FRAS1: variants seen among roughly 807,000 people sequenced by gnomAD.
The protein encoded by FRAS1 is Fraser extracellular matrix complex subunit 1.
A neutral mutation model predicts 435.2 loss-of-function variants in FRAS1; 290 were observed. That is an observed-to-expected ratio of 0.67 (90% CI 0.61 to 0.73). The LOEUF is 0.73. FRAS1 is among the 30% of genes least tolerant of loss of function. FRAS1 has a pLI of 0.00. For missense variants in FRAS1, 4,860 were observed against 5,001.5 expected, an observed-to-expected ratio of 0.97 and a Z score of 0.85; for synonymous variants, 1,800 against 1,851.0, an observed-to-expected ratio of 0.97 and a Z score of 0.71.
chr4:78,455,784 G>T (rs1044924379), intron 47 of FRAS1, among the ~76,000 whole-genome samples: 7 of 152,106 alleles, frequency 4.6e-5, no homozygotes, highest in African/African-American at 1.7e-4. Context: ...GATTGAGCAG[G>T]CCACACCCTC....
At chr4:78,518,440 ATATATATATATATT>A (rs1356377906) in intron 66 of FRAS1, among the ~76,000 whole-genome samples, 12 of 121,616 alleles carry the variant, frequency 9.9e-5, no homozygotes, top group African/African-American at 4.0e-4. Flanking sequence ...ATATATATAT[ATATATATATATATT>A]TATTTATTTA....
At chr4:78,497,912 C>T (rs540751322) in intron 60 of FRAS1, among the ~76,000 whole-genome samples, 35 of 152,146 alleles carry the variant, frequency 2.3e-4, no homozygotes, top group Non-Finnish European at 4.7e-4. Flanking sequence ...CCAAAGTGAA[C>T]CTCTCCCAGG....
chr4:78,337,956 G>A, intron 20 of FRAS1, 139 bp downstream of exon 20: 1 of 758,730 alleles, frequency 1.3e-6, no homozygotes, highest in South Asian at 1.6e-5. Flanking sequence ...GGAAACTCAT[G>A]TTACTGCTTC....
chr4:78,394,685 G>T (rs1463897912), intron 29 of FRAS1, among the ~76,000 whole-genome samples: 2 of 151,944 alleles, frequency 1.3e-5, no homozygotes, highest in Non-Finnish European at 2.9e-5. Flanking sequence ...TTGGCTATTT[G>T]GGGATTTTTG....
intron 38 of FRAS1, among the ~76,000 whole-genome samples, chr4:78,432,826 G>A (rs1264292940): frequency 6.6e-6 from 1 of 152,242 alleles, no homozygotes; most frequent in Non-Finnish European, 1.5e-5. Flanking sequence ...AAAACACGAT[G>A]AGTATGTGTA....
chr4:78,183,646 T>C (rs1381837563), intron 2 of FRAS1, among the ~76,000 whole-genome samples: 1 of 152,120 alleles, frequency 6.6e-6, no homozygotes, highest in African/African-American at 2.4e-5. Context: ...AAGTGCAGGC[T>C]TCTGTGAGTA....
intron 29 of FRAS1, among the ~76,000 whole-genome samples, chr4:78,400,325 G>A (rs1265240439): frequency 6.6e-6 from 1 of 152,148 alleles, no homozygotes; most frequent in East Asian, 1.9e-4. Flanking sequence ...TGTAAGTTCT[G>A]ACGTTAAGGT....
chr4:78,173,621 T>A (rs966226835), intron 2 of FRAS1, among the ~76,000 whole-genome samples: 1 of 152,240 alleles, frequency 6.6e-6, no homozygotes. Context: ...CTTTTCCAGT[T>A]ATTTCATACA....
rs1724320100 is a variant in FRAS1, at chr4:78,227,403, A to G, written c.109-10107A>G. Among the ~76,000 whole-genome samples, 3 of 152,236 alleles carry G rather than the reference A, an allele frequency of 2.0e-5. No homozygotes were observed. In the South Asian group the frequency reaches 6.2e-4, roughly 31 times the overall value. On this transcript the variant is annotated intron_variant, in intron 2 of 73. Transcript: ENST00000512123. ...AGCAGCCTTCAAAGCAAATTTTTAA[A>G]TGCCTCTTGAGATGGTATGGCCTCA...
intron 24 of FRAS1, among the ~76,000 whole-genome samples, chr4:78,373,760 C>A (rs1298584451): frequency 6.6e-6 from 1 of 151,566 alleles, no homozygotes; most frequent in Non-Finnish European, 1.5e-5. Flanking sequence ...GGGCAACAAG[C>A]AAAACTCCGT....
rs778411148 is a variant in FRAS1, at chr4:78,542,087, C to T, written c.*963C>T. 3.3e-5 allele frequency: 5 copies of T among 152,152 alleles called. No individual in the cohort carries two copies. The highest frequency in any genetic ancestry group is 2.1e-4 in the South Asian group (1 of 4,830). The allele number at this position is 152,152 out of a possible 1,614,324, so 9.4% of individuals were successfully genotyped here. On this transcript the variant is annotated 3_prime_UTR_variant, in exon 74 of 74. Coordinates refer to ENST00000512123, the MANE Select transcript of FRAS1 (RefSeq NM_025074.7). ...ATGGTTTTTTATTCTGTTAGTGCTT[C>T]GGGAAAGTAAGTGATTCATTTGAAT...
chr4:78,435,264 T>C (rs571910415), intron 38 of FRAS1, among the ~76,000 whole-genome samples: 29 of 152,030 alleles, frequency 1.9e-4, no homozygotes, highest in African/African-American at 6.8e-4. Flanking sequence ...AGCCCCTTTC[T>C]CAAAAACAAA....
chr4:78,174,290 G>A (rs746653672), intron 2 of FRAS1, among the ~76,000 whole-genome samples: 23 of 152,122 alleles, frequency 1.5e-4, no homozygotes, highest in Non-Finnish European at 2.2e-4. Flanking sequence ...TTAATTTAGC[G>A]CTTGGCAAAC....
chr4:78,494,716 A>G lies in FRAS1; in HGVS notation c.8959-2089A>G, dbSNP rs556161988. 1.1e-3 allele frequency among the ~76,000 whole-genome samples: 160 copies of G among 152,220 alleles called. 2 individuals carry two copies. The highest frequency in any genetic ancestry group is 8.7e-3 in the South Asian group (42 of 4,822). On this transcript the variant is annotated intron_variant, in intron 59 of 73. Transcript: ENST00000512123. ...AGTATGTGTCTGCTATATTTTACCTATGCACTCTCAGCAAGAGACAGTGAA... is the reference window on the plus strand; with the variant it reads ...AGTATGTGTCTGCTATATTTTACCTGTGCACTCTCAGCAAGAGACAGTGAA...
intron 43 of FRAS1, among the ~76,000 whole-genome samples, chr4:78,447,550 A>G (rs2109832839): frequency 6.6e-6 from 1 of 152,254 alleles, no homozygotes; most frequent in South Asian, 2.1e-4. Flanking sequence ...TTCTTGAATG[A>G]AGCACTTTGA....
intron 14 of FRAS1, among the ~76,000 whole-genome samples, chr4:78,298,168 T>C (rs2110203184): frequency 6.7e-6 from 1 of 148,640 alleles, no homozygotes; most frequent in South Asian, 2.1e-4. Flanking sequence ...ATATACCTTA[T>C]ATAAAATATA....
intron 18 of FRAS1, chr4:78,319,350 G>T (rs1466727930): frequency 2.2e-6 from 1 of 461,290 alleles, no homozygotes; most frequent in Admixed American, 2.3e-5. Flanking sequence ...ATATGAATTG[G>T]TCCCTTCAGG....
At chr4:78,245,210 T>C (rs776487514) in intron 3 of FRAS1, 23 bp from the exon 4 acceptor site, 2 of 1,560,150 alleles carry the variant, frequency 1.3e-6, no homozygotes, top group South Asian at 2.3e-5. Flanking sequence ...CTGTTTTACT[T>C]TGAGCTGCTT....
chr4:78,370,049 C>G (rs1329952622), intron 23 of FRAS1, 65 bp downstream of exon 23: 2 of 1,493,622 alleles, frequency 1.3e-6, no homozygotes, highest in Non-Finnish European at 1.8e-6. Context: ...CTACTGATGT[C>G]TAGTTTTCCA....
Sources: allele counts gnomAD v4.1 joint callset (sites outside exome capture counted in the v4.1 genomes callset), GRCh38; gene constraint gnomAD v4.1.1; transcripts MANE v1.5; gene names NCBI Gene and HGNC (gene_info 2026-07-23, HGNC 2026-07-21).